Variants in SETD2 observed in about 807,000 individuals in gnomAD.
The protein encoded by SETD2 is SET domain containing 2, histone lysine methyltransferase.
A neutral mutation model predicts 242.1 loss-of-function variants in SETD2; 31 were observed. That is an observed-to-expected ratio of 0.13 (90% CI 0.10 to 0.17). The LOEUF is 0.17. SETD2 is among the 10% of genes least tolerant of loss of function. SETD2 has a pLI of 1.00. For synonymous variants in SETD2, 1,006 were observed against 1,066.5 expected (o/e 0.94, Z 1.11); for missense variants, 2,481 against 3,046.3 (o/e 0.81, Z 4.37).
intron 7 of SETD2, 87 bp downstream of exon 7, chr3:47,103,259 G>A: frequency 2.5e-6 from 2 of 814,690 alleles, no homozygotes; most frequent in Non-Finnish European, 4.2e-6. Context: ...AAAAATTCAT[G>A]AGTACCTTAG....
At chr3:47,096,801 G>C (rs1488850362) in intron 9 of SETD2, among the ~76,000 whole-genome samples, 1 of 152,094 alleles carries the variant, frequency 6.6e-6, no homozygotes, top group African/African-American at 2.4e-5. Context: ...AAAAGAGAGA[G>C]AGAGAAAGAA....
chr3:47,093,504 G>A (rs921089760), intron 9 of SETD2, among the ~76,000 whole-genome samples: 3 of 151,882 alleles, frequency 2.0e-5, no homozygotes, highest in South Asian at 2.1e-4. Flanking sequence ...GGCTGGTCTC[G>A]AACTCCTGAC....
At chr3:47,161,096 A>T (rs1559773325) in intron 1 of SETD2, among the ~76,000 whole-genome samples, 1 of 152,180 alleles carries the variant, frequency 6.6e-6, no homozygotes, top group Non-Finnish European at 1.5e-5. Flanking sequence ...AAGTCTAAAA[A>T]GGGCACTTGG....
chr3:47,030,948 G>A (rs2038738430), intron 18 of SETD2, among the ~76,000 whole-genome samples: 1 of 152,182 alleles, frequency 6.6e-6, no homozygotes, highest in Non-Finnish European at 1.5e-5. Flanking sequence ...AAAAGACATG[G>A]TGGAAGCCTC....
intron 14 of SETD2, among the ~76,000 whole-genome samples, chr3:47,059,108 C>CTTTTT (rs111615859): frequency 3.1e-4 from 32 of 104,572 alleles, no homozygotes; most frequent in Non-Finnish European, 4.0e-4. Context: ...CACGCCTGGC[C>CTTTTT]TTTTTTTTTT....
In SETD2 at chr3:47,122,946, G is replaced by A. The variant is rs755852190; in HGVS notation, c.1690C>T (p.Pro564Ser). ...RYKSTLSKPI[P>S]KSDKFKNSFC... ...GAATTTTTAAATTTATCAGACTTGG[G>A]TATAGGTTTTGAAAGGGTAGATTTA... is the stretch of plus-strand genomic sequence containing the variant. Residue 564 changes from proline to serine, a missense_variant, in exon 3 of 21, where the codon CCC becomes TCC. Physicochemically the swap from Pro to Ser is moderately conservative, Grantham distance 74. Transcript: ENST00000409792. The A allele has an allele frequency of 2.5e-6, 4 of 1,613,388 alleles. No homozygotes were observed. The highest frequency in any genetic ancestry group is 3.4e-6 in the Non-Finnish European group (4 of 1,179,642).
chr3:47,045,519 T>TAAA (rs902155233), intron 16 of SETD2, among the ~76,000 whole-genome samples: 1 of 100,986 alleles, frequency 9.9e-6, no homozygotes, highest in Non-Finnish European at 2.0e-5. Context: ...CTCCATCTCT[T>TAAA]AAAAAAAAAA....
In SETD2 at chr3:47,120,809, C is replaced by T. The variant is rs1224797626; in HGVS notation, c.3827G>A (p.Ser1276Asn). 2.5e-6 allele frequency: 4 copies of T among 1,614,122 alleles called. No individual in the cohort carries two copies. The highest frequency in any genetic ancestry group is 3.4e-6 in the Non-Finnish European group (4 of 1,180,050). Residue 1276 changes from serine to asparagine, a missense_variant, in exon 3 of 21, where the codon AGT becomes AAT. Transcript: ENST00000409792. ...KPSTTYQQPD[S>N]SYGACGGHKY... The stretch of plus-strand genomic sequence containing the variant: ...GTGTCCACCACAAGCTCCATAGCTA[C>T]TGTCAGGTTGCTGATACGTGGTAGA...
At chr3:47,057,758 C>A (rs2040142386) in intron 14 of SETD2, among the ~76,000 whole-genome samples, 1 of 152,156 alleles carries the variant, frequency 6.6e-6, no homozygotes, top group Non-Finnish European at 1.5e-5. Flanking sequence ...ATAGATACAG[C>A]ATCCTATTCT....
At chr3:47,117,287 A>AAAAC (rs1559737631) in intron 3 of SETD2, among the ~76,000 whole-genome samples, 1 of 145,408 alleles carries the variant, frequency 6.9e-6, no homozygotes. Context: ...AAAACAAACA[A>AAAAC]AAAAAAAAAC....
At chr3:47,075,949 T>A (rs1225347678) in intron 12 of SETD2, among the ~76,000 whole-genome samples, 1 of 152,262 alleles carries the variant, frequency 6.6e-6, no homozygotes, top group South Asian at 2.1e-4. Context: ...ACTTTCTTCA[T>A]ATTTTCATTC....
At chr3:47,073,841 T>C (rs2040934357) in intron 12 of SETD2, among the ~76,000 whole-genome samples, 1 of 152,246 alleles carries the variant, frequency 6.6e-6, no homozygotes, top group Admixed American at 6.5e-5. Flanking sequence ...GTACTTGTGC[T>C]GGCCAGGGGT....
Position 47,046,777 on chromosome 3 carries a change from T to C in SETD2, c.6964-156A>G, listed in dbSNP as rs541043103. On this transcript the variant is annotated intron_variant, in intron 15 of 20. Transcript: ENST00000409792. ...ATAAATGTGCAAAACAATTTTTTGT[T>C]TCAAACCCCAAAGTTTCTTTTTTTA... The C allele has an allele frequency of 3.6e-5, 18 of 495,604 alleles. No homozygotes were observed. In the Admixed American group the frequency reaches 3.8e-4, roughly 11 times the overall value. The allele number at this position is 495,604 out of a possible 1,614,324, so 30.7% of individuals were successfully genotyped here.
chr3:47,137,648 T>TAGA (rs1298711689), intron 1 of SETD2, among the ~76,000 whole-genome samples: 23 of 152,266 alleles, frequency 1.5e-4, no homozygotes, highest in African/African-American at 5.5e-4. Flanking sequence ...AAACACCACT[T>TAGA]AGAAGATATG....
chr3:47,072,075 G>A (rs575110486), intron 12 of SETD2, among the ~76,000 whole-genome samples: 6 of 150,902 alleles, frequency 4.0e-5, no homozygotes, highest in East Asian at 1.9e-4. Context: ...TTGGGAGGCC[G>A]AGGCGGGCAG....
chr3:47,048,037 A>G (rs2039608359), intron 15 of SETD2, among the ~76,000 whole-genome samples: 1 of 152,240 alleles, frequency 6.6e-6, no homozygotes, highest in Non-Finnish European at 1.5e-5. Flanking sequence ...GTAAGCAACT[A>G]TAACTTAACA....
chr3:47,083,047 G>A (rs965010436), intron 12 of SETD2, among the ~76,000 whole-genome samples: 2 of 152,162 alleles, frequency 1.3e-5, no homozygotes, highest in African/African-American at 4.8e-5. Context: ...CCTCTCCTAG[G>A]TTTATCCTGT....
chr3:47,043,065 C>A (rs1046752035), intron 16 of SETD2, among the ~76,000 whole-genome samples: 32 of 149,630 alleles, frequency 2.1e-4, no homozygotes, highest in African/African-American at 7.4e-4. Context: ...AACCAAAAAA[C>A]CCCCTGAGAA....
chr3:47,060,773 T>C (rs1170243108), intron 14 of SETD2, among the ~76,000 whole-genome samples: 1 of 152,106 alleles, frequency 6.6e-6, no homozygotes, highest in Non-Finnish European at 1.5e-5. Context: ...ATAAATTCCA[T>C]GTATCAAAAG....
Sources: gnomAD v4.1 joint callset for allele counts (sites outside exome capture counted in the v4.1 genomes callset) on GRCh38, gnomAD v4.1.1 for gene constraint, MANE v1.5 for transcripts, NCBI Gene and HGNC (gene_info 2026-07-23, HGNC 2026-07-21) for gene names.